The following LEF1 variants were observed in gnomAD, a reference collection of about 807,000 sequenced individuals.
LEF1 encodes the protein lymphoid enhancer-binding factor 1.
Under a neutral mutation model 51.2 loss-of-function variants are expected in LEF1, and 14 were observed. The ratio of observed to expected loss-of-function variants is 0.27; its 90% confidence interval spans 0.18 to 0.43. The LOEUF is 0.43. Ranked by LOEUF, LEF1 falls within the 20% of genes least tolerant of loss-of-function variation. The probability of loss-of-function intolerance (pLI) is 1.00; values close to 1 mark genes in which losing one functional copy is unlikely to be tolerated. For missense variants in LEF1, 386 were observed against 512.0 expected (o/e 0.75, Z 2.37); for synonymous variants, 185 against 183.2 (o/e 1.01, Z -0.08).
At chr4:108,108,622 T>A (rs1348747947) in intron 3 of LEF1, among the ~76,000 whole-genome samples, 2 of 152,234 alleles carry the variant, frequency 1.3e-5, no homozygotes, top group African/African-American at 4.8e-5. Flanking sequence ...AACATGCAAG[T>A]GCTGCAGTCC....
chr4:108,137,586 T>C (rs376471223), intron 3 of LEF1, among the ~76,000 whole-genome samples: 4 of 152,178 alleles, frequency 2.6e-5, no homozygotes, highest in African/African-American at 9.7e-5. Context: ...AAAGTCTGAA[T>C]GTAGGAAGGA....
chr4:108,146,400 AG>A (rs1744002885), intron 3 of LEF1, among the ~76,000 whole-genome samples: 1 of 152,244 alleles, frequency 6.6e-6, no homozygotes, highest in African/African-American at 2.4e-5. Flanking sequence ...TTGGTATAAT[AG>A]GTATGCACTT....
intron 3 of LEF1, among the ~76,000 whole-genome samples, chr4:108,154,435 G>A (rs1246285925): frequency 5.5e-5 from 4 of 73,032 alleles, no homozygotes; most frequent in Admixed American, 2.3e-4. Context: ...TGTAGCACAA[G>A]GTAGTAGCAA....
At chr4:108,081,020 CCATGTCCACA>C (rs747539460) in intron 6 of LEF1, among the ~76,000 whole-genome samples, 3 of 152,074 alleles carry the variant, frequency 2.0e-5, no homozygotes, top group Non-Finnish European at 4.4e-5. Context: ...GCTGGCATGA[CCATGTCCACA>C]CAGGGCCTGA....
Position 108,168,095 on chromosome 4 carries a change from G to C in LEF1, c.-328C>G, listed in dbSNP as rs1197815379. 2 of 153,706 alleles carry C rather than the reference G, an allele frequency of 1.3e-5. No homozygotes were observed. The highest frequency in any genetic ancestry group is 4.8e-5 in the African/African-American group (2 of 41,466). 9.5% of individuals were successfully genotyped at this position (153,706 alleles called of 1,614,324 possible). A position where few individuals can be genotyped will look rare whatever the true frequency, so the allele number is the denominator to read the frequency against. ...CGTCTGCGCGGCGCGCGCTAGACGA[G>C]GCTGCCCCGGCGGCCACCCCGCGAC... On this transcript the variant is annotated 5_prime_UTR_variant, in exon 1 of 12. Coordinates refer to ENST00000265165, the MANE Select transcript of LEF1 (RefSeq NM_016269.5). The surrounding 1 kb of genome is among the most constrained non-coding windows in gnomAD (Gnocchi z 4.6).
chr4:108,090,066 C>T (rs1457305470), intron 3 of LEF1, among the ~76,000 whole-genome samples: 1 of 152,062 alleles, frequency 6.6e-6, no homozygotes, highest in Non-Finnish European at 1.5e-5. Flanking sequence ...CTGCAACCTC[C>T]ACCTTCCGGG....
At chr4:108,097,709 C>T (rs1369438513) in intron 3 of LEF1, among the ~76,000 whole-genome samples, 1 of 150,346 alleles carries the variant, frequency 6.7e-6, no homozygotes, top group Non-Finnish European at 1.5e-5. Flanking sequence ...ATATACATAC[C>T]TATTATGTAC....
At chr4:108,160,934 T>C (rs1293472584) in intron 3 of LEF1, among the ~76,000 whole-genome samples, 1 of 152,124 alleles carries the variant, frequency 6.6e-6, no homozygotes, top group Non-Finnish European at 1.5e-5. Context: ...CCTAACACTT[T>C]TGGGAAGCAG....
At chr4:108,143,728 T>G (rs1197619220) in intron 3 of LEF1, among the ~76,000 whole-genome samples, 1 of 152,136 alleles carries the variant, frequency 6.6e-6, no homozygotes, top group Non-Finnish European at 1.5e-5. Context: ...CTGAACAGCA[T>G]GTGAGAGAAC....
chr4:108,099,527 T>C (rs1239306982), intron 3 of LEF1, among the ~76,000 whole-genome samples: 1 of 133,098 alleles, frequency 7.5e-6, no homozygotes, highest in Non-Finnish European at 1.6e-5. Flanking sequence ...TGTATATATA[T>C]ATATATATGT....
intron 3 of LEF1, among the ~76,000 whole-genome samples, chr4:108,102,537 A>C (rs1740897573): frequency 6.6e-6 from 1 of 152,182 alleles, no homozygotes; most frequent in Non-Finnish European, 1.5e-5. Flanking sequence ...GGCATTCCTC[A>C]GTCTCAGAAG....
At chr4:108,139,032 T>C (rs763029965) in intron 3 of LEF1, among the ~76,000 whole-genome samples, 1 of 152,282 alleles carries the variant, frequency 6.6e-6, no homozygotes, top group South Asian at 2.1e-4. Context: ...GGAGGACAAA[T>C]ACCTAAAAAT....
chr4:108,099,610 ATATATAT>A (rs1740670546), intron 3 of LEF1, among the ~76,000 whole-genome samples: 4 of 122,664 alleles, frequency 3.3e-5, no homozygotes, highest in African/African-American at 6.8e-5. Flanking sequence ...ATATATATAT[ATATATAT>A]AAATAATACT....
At chr4:108,063,757 C>T in intron 10 of LEF1, 94 bp from the exon 11 acceptor site, 1 of 842,206 alleles carries the variant, frequency 1.2e-6, no homozygotes, top group Non-Finnish European at 1.9e-6. Flanking sequence ...AACTTGTTTG[C>T]TTTACTTTTC....
rs1560789347 is a variant in LEF1 at position 108,099,602 on chromosome 4, A to ATGTG, written c.415-10346_415-10345insCACA. Among the ~76,000 whole-genome samples, 8 of 131,664 alleles carry ATGTG rather than the reference A, an allele frequency of 6.1e-5. 1 individual carries two copies. The highest frequency in any genetic ancestry group is 3.8e-4 in the Admixed American group (5 of 12,992). 86.4% of individuals were successfully genotyped at this position (131,664 alleles called of 152,430 possible). On this transcript the variant is annotated intron_variant, in intron 3 of 11. Coordinates refer to ENST00000265165, the MANE Select transcript of LEF1 (RefSeq NM_016269.5). ...TATATATATATATATATATATATAT[A>ATGTG]TATATATATATATATAAATAATACT...
chr4:108,142,488 C>T (rs1371669277), intron 3 of LEF1, among the ~76,000 whole-genome samples: 1 of 152,124 alleles, frequency 6.6e-6, no homozygotes, highest in East Asian at 1.9e-4. Context: ...CACTAGTATC[C>T]TATTTCTTAA....
In LEF1 at chr4:108,168,373, AG is replaced by A. The variant is rs1201307447; in HGVS notation, c.-607del. 1 of 152,294 alleles carries A rather than the reference AG, an allele frequency of 6.6e-6. No individual in the cohort carries two copies. The highest frequency in any genetic ancestry group is 1.5e-5 in the Non-Finnish European group (1 of 68,130). The allele number at this position is 152,294 out of a possible 1,614,324, so 9.4% of individuals were successfully genotyped here. A position where few individuals can be genotyped will look rare whatever the true frequency, so the allele number is the denominator to read the frequency against. ...CCACTTCCTGAAGGGTGGGAAAAAAAGAAAAAGAAAAAGGAGCCACCCACGC... is the reference window on the plus strand; with the variant it reads ...CCACTTCCTGAAGGGTGGGAAAAAAAAAAAAGAAAAAGGAGCCACCCACGC... On this transcript the variant is annotated 5_prime_UTR_variant, in exon 1 of 12. Coordinates refer to ENST00000265165, the MANE Select transcript of LEF1 (RefSeq NM_016269.5). The surrounding 1 kb of genome is among the most constrained non-coding windows in gnomAD (Gnocchi z 4.6).
intron 3 of LEF1, among the ~76,000 whole-genome samples, chr4:108,118,909 T>C (rs1328797159): frequency 6.6e-6 from 1 of 152,084 alleles, no homozygotes; most frequent in Non-Finnish European, 1.5e-5. Context: ...AGCTTCTTTT[T>C]GGTTAAAGCA....
At chr4:108,115,556 A>C (rs940041322) in intron 3 of LEF1, among the ~76,000 whole-genome samples, 2 of 152,212 alleles carry the variant, frequency 1.3e-5, no homozygotes, top group Non-Finnish European at 2.9e-5. Flanking sequence ...CTATCAAAAC[A>C]GTAGGATGAA....
Sources: gnomAD v4.1 joint callset for allele counts (sites outside exome capture counted in the v4.1 genomes callset) on GRCh38, gnomAD v4.1.1 for gene constraint, Gnocchi (gnomAD v3.1) non-coding constraint, MANE v1.5 for transcripts, NCBI Gene and HGNC (gene_info 2026-07-23, HGNC 2026-07-21) for gene names.